Variants in FOXP2 observed in about 807,000 individuals in gnomAD.
The protein encoded by FOXP2 is forkhead box P2.
In FOXP2, 12 loss-of-function variants were observed where a neutral mutation model predicts 115.8. That is an observed-to-expected ratio of 0.10 (90% CI 0.07 to 0.17). The LOEUF (loss-of-function observed/expected upper bound fraction) is 0.17. Among genes scored for constraint, FOXP2 ranks in the 10% least tolerant of loss-of-function variants. The pLI is 1.00. For synonymous variants in FOXP2, 328 were observed against 297.7 expected (o/e 1.10, Z -1.05); for missense variants, 629 against 843.5 (o/e 0.75, Z 3.15).
Position 114,280,077 on chromosome 7 carries a change from CAAATAAATAAAT to C in FOXP2, c.-101-7906_-101-7895del, listed in dbSNP as rs141041172. On this transcript the variant is annotated intron_variant, in intron 1 of 17. Coordinates refer to the FOXP2 transcript ENST00000634411. ...AATTTAGTCCTACCAGACTCTCAGG[CAAATAAATAAAT>C]AAATAAATAAATAAATAAATAAATA... Among the ~76,000 whole-genome samples the C allele has an allele frequency of 2.4e-3, 338 of 143,016 alleles. 2 individuals carry two copies. Among genetic ancestry groups the C allele is most frequent in the African/African-American group, 5.3e-3 (206 of 38,992 alleles). 93.8% of individuals were successfully genotyped at this position (143,016 alleles called of 152,430 possible).
Position 114,688,294 on chromosome 7 carries a change from C to G in FOXP2, c.2004-1488C>G, listed in dbSNP as rs139059388. On this transcript the variant is annotated intron_variant, in intron 16 of 16. Coordinates refer to ENST00000350908, the MANE Select transcript of FOXP2 (RefSeq NM_014491.4). ...GTTTTGCATTTCAACATGCCTGGTT[C>G]AAACTAGCTAAAAAACGTATAATTT... is the stretch of plus-strand genomic sequence containing the variant. Among the ~76,000 whole-genome samples the G allele has an allele frequency of 3.0e-4, 44 of 146,266 alleles. No homozygotes were observed. The East Asian group carries it at 8.4e-3, about 28-fold the overall frequency.
At chr7:114,283,702 C>G (rs1276420768) in intron 1 of FOXP2, among the ~76,000 whole-genome samples, 2 of 152,058 alleles carry the variant, frequency 1.3e-5, no homozygotes, top group Admixed American at 6.6e-5. Context: ...TTGGCTCATG[C>G]CTGCAATCCC....
intron 16 of FOXP2, among the ~76,000 whole-genome samples, chr7:114,673,124 A>G (rs1247226953): frequency 6.6e-6 from 1 of 152,358 alleles, no homozygotes; most frequent in East Asian, 1.9e-4. Flanking sequence ...TTAATGATTC[A>G]AAGGAGAATT....
At chr7:114,352,110 A>G (rs1298552736) in intron 2 of FOXP2, among the ~76,000 whole-genome samples, 2 of 151,854 alleles carry the variant, frequency 1.3e-5, no homozygotes, top group Non-Finnish European at 2.9e-5. Flanking sequence ...TCTAACAAAA[A>G]AAAAAAAATA....
At chr7:114,573,238 A>G (rs1563008014) in intron 3 of FOXP2, among the ~76,000 whole-genome samples, 1 of 151,750 alleles carries the variant, frequency 6.6e-6, no homozygotes. Flanking sequence ...TTAACTGCTT[A>G]TTTTCCTTTA....
intron 7 of FOXP2, among the ~76,000 whole-genome samples, chr7:114,643,330 T>C (rs906368330): frequency 4.0e-5 from 6 of 151,720 alleles, no homozygotes; most frequent in Admixed American, 1.3e-4. Context: ...TGGATATCTC[T>C]CTTATATGTT....
intron 3 of FOXP2, chr7:114,538,236 A>G: frequency 2.1e-6 from 2 of 971,398 alleles, no homozygotes; most frequent in Non-Finnish European, 2.9e-6. Context: ...TTTGTAAAAT[A>G]CATTTTCAAT....
chr7:114,650,792 A>C (rs1034851518), intron 8 of FOXP2, among the ~76,000 whole-genome samples: 1 of 151,836 alleles, frequency 6.6e-6, no homozygotes, highest in Non-Finnish European at 1.5e-5. Context: ...CCACCTTGCT[A>C]TTTTAGTCCA....
At chr7:114,236,719 G>T (rs1354331889) in intron 1 of FOXP2, among the ~76,000 whole-genome samples, 2 of 152,196 alleles carry the variant, frequency 1.3e-5, no homozygotes, top group Non-Finnish European at 2.9e-5. Context: ...GGTCACTCCT[G>T]TGATCCCAGC....
At chr7:114,107,906 G>A (rs1271914460) in intron 1 of FOXP2, among the ~76,000 whole-genome samples, 1 of 151,832 alleles carries the variant, frequency 6.6e-6, no homozygotes, top group Non-Finnish European at 1.5e-5. Flanking sequence ...TACTTACTTA[G>A]AGGTCAACTT....
chr7:114,399,317 A>G (rs1792820416), intron 2 of FOXP2, among the ~76,000 whole-genome samples: 1 of 152,064 alleles, frequency 6.6e-6, no homozygotes, highest in South Asian at 2.1e-4. Flanking sequence ...CATGTTGGCC[A>G]GGCTGGTCTG....
chr7:114,655,183 A>AT (rs1190015475), intron 10 of FOXP2, among the ~76,000 whole-genome samples: 3 of 152,064 alleles, frequency 2.0e-5, no homozygotes, highest in East Asian at 1.9e-4. Flanking sequence ...TTTCAATAAG[A>AT]TTTTTTCCCT....
intron 2 of FOXP2, among the ~76,000 whole-genome samples, chr7:114,398,237 A>G (rs932799109): frequency 6.6e-6 from 1 of 152,178 alleles, no homozygotes; most frequent in Admixed American, 6.5e-5. Context: ...AATTCTTAAT[A>G]TATTTAAAGA....
At chr7:114,152,953 C>G (rs1410147284) in intron 1 of FOXP2, among the ~76,000 whole-genome samples, 2 of 152,098 alleles carry the variant, frequency 1.3e-5, no homozygotes, top group Non-Finnish European at 2.9e-5. Context: ...ATCCACGGAA[C>G]AGAACATGCC....
chr7:114,467,411 A>G (rs1156427737), intron 2 of FOXP2, among the ~76,000 whole-genome samples: 1 of 152,182 alleles, frequency 6.6e-6, no homozygotes, highest in Non-Finnish European at 1.5e-5. Flanking sequence ...GTAAACTCCA[A>G]AATGATTTAA....
chr7:114,130,119 G>C (rs1791830329), intron 1 of FOXP2, among the ~76,000 whole-genome samples: 1 of 152,016 alleles, frequency 6.6e-6, no homozygotes, highest in African/African-American at 2.4e-5. Context: ...TTCAAGACTA[G>C]CCTAGGTAAT....
At chr7:114,519,999 A>C (rs1395647015) in intron 2 of FOXP2, among the ~76,000 whole-genome samples, 1 of 152,180 alleles carries the variant, frequency 6.6e-6, no homozygotes, top group Non-Finnish European at 1.5e-5. Context: ...ATGATAAAAC[A>C]GCTTACATTA....
At chr7:114,387,169 T>A (rs935636628) in intron 2 of FOXP2, among the ~76,000 whole-genome samples, 1 of 152,230 alleles carries the variant, frequency 6.6e-6, no homozygotes, top group African/African-American at 2.4e-5. Context: ...TTCTATTCAT[T>A]CATTCAATCT....
At chr7:114,137,217 A>G (rs532802536) in intron 1 of FOXP2, among the ~76,000 whole-genome samples, 2 of 152,218 alleles carry the variant, frequency 1.3e-5, no homozygotes, top group South Asian at 4.1e-4. Flanking sequence ...GGTTTTAAAG[A>G]TAAGGAAAGA....
Sources: allele counts gnomAD v4.1 joint callset (sites outside exome capture counted in the v4.1 genomes callset), GRCh38; gene constraint gnomAD v4.1.1; transcripts MANE v1.5; gene names NCBI Gene and HGNC (gene_info 2026-07-23, HGNC 2026-07-21).